Variants in GALNTL6 observed in about 807,000 individuals in gnomAD.
GALNTL6 encodes polypeptide N-acetylgalactosaminyltransferase-like 6.
In GALNTL6, 46 loss-of-function variants were observed where a neutral mutation model predicts 73.7. The ratio of observed to expected loss-of-function variants is 0.62; its 90% confidence interval spans 0.49 to 0.80. The LOEUF (loss-of-function observed/expected upper bound fraction) is 0.80, where lower values mean the gene tolerates loss of function less well. GALNTL6 is among the 30% of genes least tolerant of loss of function. The pLI, the probability that GALNTL6 is intolerant of heterozygous loss-of-function variation, is 0.00. For synonymous variants in GALNTL6, 259 were observed against 263.7 expected (o/e 0.98, Z 0.17); for missense variants, 604 against 755.0 (o/e 0.80, Z 2.34).
chr4:172,485,646 A>T (rs1292216031), intron 5 of GALNTL6, among the ~76,000 whole-genome samples: 1 of 152,122 alleles, frequency 6.6e-6, no homozygotes, highest in Non-Finnish European at 1.5e-5. Flanking sequence ...TAACCACAAA[A>T]ATATAATTTA....
At chr4:172,010,248 C>T (rs183825678) in intron 2 of GALNTL6, among the ~76,000 whole-genome samples, 28 of 152,054 alleles carry the variant, frequency 1.8e-4, no homozygotes, top group Admixed American at 1.7e-3. Flanking sequence ...TAAAGCTATG[C>T]GATGAGTACT....
At chr4:172,995,547 C>T (rs531990336) in intron 10 of GALNTL6, among the ~76,000 whole-genome samples, 1 of 152,308 alleles carries the variant, frequency 6.6e-6, no homozygotes, top group East Asian at 1.9e-4. Context: ...CTCATGAACT[C>T]CTGACTTAAA....
At chr4:172,781,407 G>A (rs1739362563) in intron 5 of GALNTL6, among the ~76,000 whole-genome samples, 1 of 152,060 alleles carries the variant, frequency 6.6e-6, no homozygotes, top group Non-Finnish European at 1.5e-5. Flanking sequence ...AAAATTAAAA[G>A]GATATCATAT....
chr4:172,789,422 A>AT (rs915603700), intron 5 of GALNTL6, among the ~76,000 whole-genome samples: 2 of 152,052 alleles, frequency 1.3e-5, no homozygotes, highest in African/African-American at 4.8e-5. Flanking sequence ...TTTTGCAATT[A>AT]TTTTTTTAGC....
Position 172,428,602 on chromosome 4 carries a change from A to G in GALNTL6, c.553+79913A>G, listed in dbSNP as rs886891894. 5.3e-5 allele frequency among the ~76,000 whole-genome samples: 8 copies of G among 152,266 alleles called. No individual in the cohort carries two copies. In the South Asian group the frequency reaches 1.4e-3, roughly 28 times the overall value. ...TTATTTGTCTCATTGATCCTGAAAA[A>G]TGTATATGCCATTTTGTCTCACTTC... is the stretch of plus-strand genomic sequence containing the variant. On this transcript the variant is annotated intron_variant, in intron 5 of 12. Coordinates refer to ENST00000506823, the MANE Select transcript of GALNTL6 (RefSeq NM_001034845.3).
intron 5 of GALNTL6, among the ~76,000 whole-genome samples, chr4:172,636,609 A>G (rs761211194): frequency 6.6e-6 from 1 of 152,200 alleles, no homozygotes; most frequent in Non-Finnish European, 1.5e-5. Flanking sequence ...AGAGCTGGAA[A>G]AAGCAAGAAA....
intron 5 of GALNTL6, among the ~76,000 whole-genome samples, chr4:172,396,646 A>G (rs1160497328): frequency 6.6e-6 from 1 of 152,218 alleles, no homozygotes; most frequent in Non-Finnish European, 1.5e-5. Flanking sequence ...CTACAACCAT[A>G]GCTCAGTTTC....
intron 2 of GALNTL6, among the ~76,000 whole-genome samples, chr4:172,102,970 C>T (rs1321414948): frequency 1.3e-5 from 2 of 152,184 alleles, no homozygotes; most frequent in African/African-American, 4.8e-5. Flanking sequence ...CAAAGTTTCT[C>T]TCTCTTCAGC....
intron 5 of GALNTL6, among the ~76,000 whole-genome samples, chr4:172,366,283 C>A (rs77092605): frequency 6.6e-6 from 1 of 152,100 alleles, no homozygotes; most frequent in Non-Finnish European, 1.5e-5. Context: ...TTTGTATTTT[C>A]TATATCTGGC....
chr4:171,952,043 C>CA (rs1015137779), intron 2 of GALNTL6, among the ~76,000 whole-genome samples: 2 of 151,522 alleles, frequency 1.3e-5, no homozygotes, highest in South Asian at 2.1e-4. Flanking sequence ...AATAGAGTAA[C>CA]AAAAAAACCA....
intron 2 of GALNTL6, among the ~76,000 whole-genome samples, chr4:172,206,033 A>G (rs753280058): frequency 5.4e-4 from 82 of 152,156 alleles, no homozygotes; most frequent in Non-Finnish European, 9.3e-4. Flanking sequence ...TACATATGCC[A>G]TGTATTTCAT....
intron 2 of GALNTL6, among the ~76,000 whole-genome samples, chr4:172,206,888 A>G (rs989076152): frequency 7.5e-6 from 1 of 132,488 alleles, no homozygotes; most frequent in Non-Finnish European, 1.5e-5. Context: ...TGTGATCTCC[A>G]CTCACTGCAA....
intron 8 of GALNTL6, among the ~76,000 whole-genome samples, chr4:172,892,589 G>A (rs1746091894): frequency 6.9e-6 from 1 of 145,926 alleles, no homozygotes; most frequent in African/African-American, 2.6e-5. Flanking sequence ...TGTCGGCTTT[G>A]TTCATATTTT....
chr4:172,713,159 G>A lies in GALNTL6; in HGVS notation c.554-96202G>A, dbSNP rs777074612. Among the ~76,000 whole-genome samples the A allele has an allele frequency of 6.0e-4, 90 of 151,128 alleles. 1 individual carries two copies. The highest frequency in any genetic ancestry group is 2.1e-3 in the African/African-American group (87 of 41,238). On this transcript the variant is annotated intron_variant, in intron 5 of 12. Coordinates refer to ENST00000506823, the MANE Select transcript of GALNTL6 (RefSeq NM_001034845.3). The stretch of plus-strand genomic sequence containing the variant: ...TATACAAGAAATTTAATACTGTTAC[G>A]TGCTGTATCGGTCACTCTTCTCCAG...
intron 2 of GALNTL6, among the ~76,000 whole-genome samples, chr4:171,871,531 G>A (rs10025978): frequency 0.025 from 3,791 of 151,630 alleles, 162 homozygotes; most frequent in African/African-American, 0.088. Flanking sequence ...CACTCCCTTC[G>A]CCCCTCATTA....
At chr4:172,459,061 A>G (rs1732513845) in intron 5 of GALNTL6, among the ~76,000 whole-genome samples, 1 of 152,220 alleles carries the variant, frequency 6.6e-6, no homozygotes, top group African/African-American at 2.4e-5. Context: ...GGTTCAACAT[A>G]CGGAAATCAA....
intron 5 of GALNTL6, among the ~76,000 whole-genome samples, chr4:172,358,034 A>G (rs532108318): frequency 8.7e-4 from 133 of 152,172 alleles, no homozygotes; most frequent in Admixed American, 1.8e-3. Context: ...TCTCTATGAA[A>G]AAAAGATTTT....
intron 7 of GALNTL6, among the ~76,000 whole-genome samples, chr4:172,837,174 G>A (rs1040829782): frequency 1.3e-5 from 2 of 152,232 alleles, no homozygotes; most frequent in Admixed American, 1.3e-4. Flanking sequence ...TAGGTGGTTT[G>A]GGGTTTTACC....
intron 5 of GALNTL6, among the ~76,000 whole-genome samples, chr4:172,687,328 A>C (rs1732976445): frequency 1.3e-5 from 2 of 152,134 alleles, no homozygotes; most frequent in Non-Finnish European, 2.9e-5. Context: ...GTTGAGAATT[A>C]GCCCTGTTAA....
Sources: gnomAD v4.1 joint callset for allele counts (sites outside exome capture counted in the v4.1 genomes callset) on GRCh38, gnomAD v4.1.1 for gene constraint, MANE v1.5 for transcripts, NCBI Gene and HGNC (gene_info 2026-07-23, HGNC 2026-07-21) for gene names.